DHODH: variants seen among roughly 807,000 people sequenced by gnomAD.
DHODH encodes the protein dihydroorotate dehydrogenase (quinone).
DHODH carries 30 observed loss-of-function variants against 39.7 expected under a neutral mutation model. The observed-to-expected ratio is 0.76, with a 90% CI of 0.57 to 1.02. The LOEUF (loss-of-function observed/expected upper bound fraction) is 1.02, where lower values mean the gene tolerates loss of function less well. Ranked by LOEUF, DHODH falls within the 50% of genes least tolerant of loss-of-function variation. The probability of loss-of-function intolerance (pLI) is 0.00; values close to 1 mark genes in which losing one functional copy is unlikely to be tolerated. For synonymous variants in DHODH, 222 were observed against 213.8 expected (o/e 1.04, Z -0.34); for missense variants, 531 against 520.8 (o/e 1.02, Z -0.19).
intron 5 of DHODH, among the ~76,000 whole-genome samples, chr16:72,021,825 C>T (rs908906626): frequency 4.6e-5 from 7 of 152,060 alleles, no homozygotes; most frequent in African/African-American, 1.7e-4. Flanking sequence ...TAGCCAGGCA[C>T]AGTGGCTCAA....
In DHODH at chr16:72,027,009, G is replaced by GTGTGTTTTTT. The variant is rs1555531493; in HGVS notation, c.*2811_*2812insGTGTTTTTTT. On this transcript the variant is annotated 3_prime_UTR_variant, in exon 9 of 9. Transcript: ENST00000219240. ...TGTGTGTGTGTGTGTGTGTGTGTGT[G>GTGTGTTTTTT]TTTTTGAGATGGAGTCCTGCTCTGT... 2 of 69,630 alleles carry GTGTGTTTTTT rather than the reference G, an allele frequency of 2.9e-5. No homozygotes were observed. The highest frequency in any genetic ancestry group is 1.0e-4 in the African/African-American group (2 of 19,086). The allele number at this position is 69,630 out of a possible 1,614,324, so 4.3% of individuals were successfully genotyped here.
intron 4 of DHODH, among the ~76,000 whole-genome samples, chr16:72,017,872 C>T (rs1597395633): frequency 6.8e-6 from 1 of 146,608 alleles, no homozygotes; most frequent in Non-Finnish European, 1.5e-5. Context: ...CCCGCGTTCT[C>T]ACTATTCTCC....
intron 3 of DHODH, chr16:72,015,913 T>A: frequency 3.1e-6 from 3 of 974,080 alleles, no homozygotes; most frequent in Non-Finnish European, 3.7e-6. Context: ...TCATCAGATA[T>A]GTGTGCCAGT....
chr16:72,014,956 C>T (rs2041125606), intron 3 of DHODH, among the ~76,000 whole-genome samples: 1 of 152,158 alleles, frequency 6.6e-6, no homozygotes, highest in African/African-American at 2.4e-5. Context: ...TTGGGCATGG[C>T]CTGGGCTTAT....
rs2041214134 is a variant in DHODH at position 72,021,281 on chromosome 16, A to G, written c.675A>G (p.Gly225=). 1 of 1,611,608 alleles carries G rather than the reference A, an allele frequency of 6.2e-7. No individual in the cohort carries two copies. The highest frequency in any genetic ancestry group is 8.5e-7 in the Non-Finnish European group (1 of 1,179,426). ...CTGCCGGGCTGCGGAGCCTTCAGGG[A>G]AAGGCCGAGCTGCGCCGCCTGCTGA... ...PNTAGLRSLQ[G]KAELRRLLTK... is the part of the protein sequence containing the mutation. The change falls in exon 5 of 9, where the codon GGA becomes GGG. Residue 225 remains glycine, a synonymous_variant. Coordinates refer to ENST00000219240, the MANE Select transcript of DHODH (RefSeq NM_001361.5).
rs774320307 is a variant in DHODH, at chr16:72,021,118, T to C, written c.518-6T>C. On this transcript the variant is annotated splice_region_variant and splice_polypyrimidine_tract_variant and intron_variant, in intron 4 of 8. Transcript: ENST00000219240. ...GGGGTGCAGGCCTGACCAGCGATGT[T>C]TGCAGATGGACTGCCTCTGGGGGTC... is the stretch of plus-strand genomic sequence containing the variant. The C allele has an allele frequency of 2.5e-6, 4 of 1,602,018 alleles. No individual in the cohort carries two copies. The highest frequency in any genetic ancestry group is 3.4e-5 in the Admixed American group (2 of 58,544).
intron 2 of DHODH, among the ~76,000 whole-genome samples, chr16:72,012,908 C>T (rs2041100238): frequency 6.6e-6 from 1 of 152,202 alleles, no homozygotes; most frequent in African/African-American, 2.4e-5. Flanking sequence ...CAGCGGAAGG[C>T]TAAGGGCCTC....
chr16:72,017,526 C>T (rs574535049), intron 4 of DHODH, among the ~76,000 whole-genome samples: 1 of 152,038 alleles, frequency 6.6e-6, no homozygotes, highest in Non-Finnish European at 1.5e-5. Flanking sequence ...TACAGAGAAG[C>T]GTAAAGAAAG....
Position 72,012,194 on chromosome 16 carries a change from A to G in DHODH, c.166A>G (p.Arg56Gly), listed in dbSNP as rs2041090456. Reference sequence around the variant, plus strand: ...GCTGCTGGACCCGGAGTCAGCCCACAGACTGGCTGTTCGCTTCACCTCCCT... The same window carrying G: ...GCTGCTGGACCCGGAGTCAGCCCACGGACTGGCTGTTCGCTTCACCTCCCT... The part of the protein sequence containing the change: ...QGLLDPESAH[R>G]LAVRFTSLGL... The change falls in exon 2 of 9, where the codon AGA (arginine) becomes GGA (glycine). Residue 56 changes from arginine to glycine, a missense_variant. Arg to Gly is a moderately radical substitution (Grantham distance 125, BLOSUM62 -2). Coordinates refer to ENST00000219240, the MANE Select transcript of DHODH (RefSeq NM_001361.5). 3.7e-6 allele frequency: 6 copies of G among 1,614,132 alleles called. No individual in the cohort carries two copies. Among genetic ancestry groups the G allele is most frequent in the Non-Finnish European group, 4.2e-6 (5 of 1,180,018 alleles).
chr16:72,012,389 G>A lies in DHODH; in HGVS notation c.234+127G>A, dbSNP rs531398404. On this transcript the variant is annotated intron_variant, in intron 2 of 8. Transcript: ENST00000219240. ...GTGAGCAGTGGGGATTTGGAATTCAGTCTGAGCATTATTATTTTATGTCAT... is the reference window on the plus strand; with the variant it reads ...GTGAGCAGTGGGGATTTGGAATTCAATCTGAGCATTATTATTTTATGTCAT... 5 of 772,514 alleles carry A rather than the reference G, an allele frequency of 6.5e-6. 1 individual carries two copies. The Admixed American group carries it at 1.1e-4, about 16-fold the overall frequency. The allele number at this position is 772,514 out of a possible 1,614,324, so 47.9% of individuals were successfully genotyped here. A position where few individuals can be genotyped will look rare whatever the true frequency, so the allele number is the denominator to read the frequency against.
intron 4 of DHODH, among the ~76,000 whole-genome samples, chr16:72,017,575 A>T (rs2041155326): frequency 6.6e-6 from 1 of 152,218 alleles, no homozygotes; most frequent in Non-Finnish European, 1.5e-5. Flanking sequence ...ACTCAAGGCT[A>T]ACTAATATTA....
At chr16:72,011,403 C>A (rs1321629929) in intron 1 of DHODH, among the ~76,000 whole-genome samples, 3 of 152,150 alleles carry the variant, frequency 2.0e-5, no homozygotes, top group Non-Finnish European at 2.9e-5. Context: ...CTTTGGGAGG[C>A]CAAAGCAGGA....
rs1264780031 is a variant in DHODH at position 72,021,123 on chromosome 16, G to A, written c.518-1G>A. On this transcript the variant is annotated splice_acceptor_variant, in intron 4 of 8. Transcript: ENST00000219240. LOFTEE classifies it high-confidence loss of function. ...GCAGGCCTGACCAGCGATGTTTGCA[G>A]ATGGACTGCCTCTGGGGGTCAACTT... 2 of 1,603,616 alleles carry A rather than the reference G, an allele frequency of 1.2e-6. No individual in the cohort carries two copies. Among genetic ancestry groups the A allele is most frequent in the East Asian group, 2.3e-5 (1 of 44,250 alleles).
intron 5 of DHODH, among the ~76,000 whole-genome samples, chr16:72,021,988 G>C (rs1354538460): frequency 6.6e-6 from 1 of 151,678 alleles, no homozygotes; most frequent in Non-Finnish European, 1.5e-5. Flanking sequence ...TGATACTCTG[G>C]AGGCTGAAGT....
intron 4 of DHODH, among the ~76,000 whole-genome samples, chr16:72,018,842 T>C (rs2143987958): frequency 6.6e-6 from 1 of 152,392 alleles, no homozygotes; most frequent in East Asian, 1.9e-4. Flanking sequence ...ATGAAAGTGA[T>C]ATTCTCCTTC....
In DHODH at chr16:72,023,328, C is replaced by G; in HGVS notation, c.973+10C>G. ...TATGCACTCACCCAAGGCAAGGTTT[C>G]CCGTGTTTGTGTCTTCAGATCTGCG... On this transcript the variant is annotated intron_variant, in intron 7 of 8. Transcript: ENST00000219240. 4 of 1,614,138 alleles carry G rather than the reference C, an allele frequency of 2.5e-6. No individual in the cohort carries two copies. Among genetic ancestry groups the G allele is most frequent in the Non-Finnish European group, 3.4e-6 (4 of 1,180,044 alleles).
intron 3 of DHODH, 148 bp downstream of exon 3, chr16:72,014,820 T>C: frequency 1.2e-6 from 1 of 819,206 alleles, no homozygotes; most frequent in Non-Finnish European, 2.0e-6. Flanking sequence ...GTTCAGCATC[T>C]ACTATGTGCC....
At chr16:72,021,963 C>A (rs1384537781) in intron 5 of DHODH, among the ~76,000 whole-genome samples, 1 of 151,964 alleles carries the variant, frequency 6.6e-6, no homozygotes, top group Non-Finnish European at 1.5e-5. Flanking sequence ...CATGGTGGTG[C>A]ACACCTGTAG....
Position 72,012,263 on chromosome 16 carries a change from G to C in DHODH, c.234+1G>C. On this transcript the variant is annotated splice_donor_variant, in intron 2 of 8. Transcript: ENST00000219240. LOFTEE classifies it high-confidence loss of function. Reference sequence around the variant, plus strand: ...CAGATTTCAAGACTCTGACATGCTGGTAGTGCTCCCAGACACCCTATACAT... The same window carrying C: ...CAGATTTCAAGACTCTGACATGCTGCTAGTGCTCCCAGACACCCTATACAT... 1.2e-6 allele frequency: 2 copies of C among 1,613,956 alleles called. No individual in the cohort carries two copies. Among genetic ancestry groups the C allele is most frequent in the Non-Finnish European group, 1.7e-6 (2 of 1,179,868 alleles).
Sources: allele counts gnomAD v4.1 joint callset (sites outside exome capture counted in the v4.1 genomes callset), GRCh38; gene constraint gnomAD v4.1.1; transcripts MANE v1.5; gene names NCBI Gene and HGNC (gene_info 2026-07-23, HGNC 2026-07-21).